Variants in UTS2 observed in about 807,000 individuals in gnomAD.
UTS2 encodes urotensin-2.
A neutral mutation model predicts 12.6 loss-of-function variants in UTS2; 10 were observed. The ratio of observed to expected loss-of-function variants is 0.80; its 90% CI spans 0.49 to 1.35. UTS2 has a LOEUF of 1.35. UTS2 is among the 40% of genes most tolerant of loss of function. The probability of loss-of-function intolerance (pLI) is 0.00; values close to 1 mark genes in which losing one functional copy is unlikely to be tolerated. For missense variants in UTS2, 142 were observed against 143.2 expected, an observed-to-expected ratio of 0.99 and a Z score of 0.04; for synonymous variants, 52 against 50.0, an observed-to-expected ratio of 1.04 and a Z score of -0.17.
chr1:7,861,230 A>G, the UTS2 span, among the ~76,000 whole-genome samples: 1 of 152,134 alleles, frequency 6.6e-6, no homozygotes, highest in African/African-American at 2.4e-5. Flanking sequence ...AAACTGTGCA[A>G]CGAGTTTGGA....
the UTS2 span, among the ~76,000 whole-genome samples, chr1:7,888,032 T>C: frequency 6.6e-6 from 1 of 152,266 alleles, no homozygotes; most frequent in South Asian, 2.1e-4. Flanking sequence ...TGGTCTAAGA[T>C]TTTAGAGGAC....
At chr1:7,878,202 G>T in the UTS2 span, among the ~76,000 whole-genome samples, 1 of 152,092 alleles carries the variant, frequency 6.6e-6, no homozygotes, top group African/African-American at 2.4e-5. Context: ...GAAAAACAAA[G>T]GAGAAAAAAC....
chr1:7,905,220 T>C, the UTS2 span, among the ~76,000 whole-genome samples: 135,773 of 150,568 alleles, frequency 0.9, 61,552 homozygotes, highest in East Asian at 1. Flanking sequence ...CTTGGCTCAC[T>C]GTACCCTCCA....
the UTS2 span, among the ~76,000 whole-genome samples, chr1:7,885,920 G>GAA: frequency 4.0e-4 from 36 of 90,094 alleles, 1 homozygote; most frequent in Middle Eastern, 0.014. Context: ...GGGGGGGGCG[G>GAA]GTGGAGGTGG....
intron 1 of UTS2, 100 bp from the exon 2 acceptor site, chr1:7,851,022 A>G (rs964796317): frequency 5.3e-6 from 6 of 1,124,904 alleles, no homozygotes; most frequent in African/African-American, 4.6e-5. Flanking sequence ...GGAGATGAAC[A>G]CTAGAAAAAC....
chr1:7,851,535 A>G lies in UTS2; in HGVS notation c.104-613T>C, dbSNP rs1446766637. ...TGCGCTTAAGGTGTGTGGAAAGGGC[A>G]CACCGGAGTGTGAGGCGTGGTAAGT... is the stretch of plus-strand genomic sequence containing the variant. On this transcript the variant is annotated intron_variant, in intron 1 of 3. Transcript: ENST00000361696. Among the ~76,000 whole-genome samples, 4 of 152,250 alleles carry G rather than the reference A, an allele frequency of 2.6e-5. 1 individual carries two copies.
chr1:7,880,004 C>T, the UTS2 span, among the ~76,000 whole-genome samples: 1 of 152,106 alleles, frequency 6.6e-6, no homozygotes, highest in Non-Finnish European at 1.5e-5. Context: ...CACCTGTAAT[C>T]CCAACACTTT....
the UTS2 span, among the ~76,000 whole-genome samples, chr1:7,899,642 G>A: frequency 6.6e-6 from 1 of 151,990 alleles, no homozygotes; most frequent in Non-Finnish European, 1.5e-5. Flanking sequence ...TGAGTAGCTG[G>A]GACTACAGGC....
the UTS2 span, among the ~76,000 whole-genome samples, chr1:7,868,588 G>A: frequency 3.3e-5 from 5 of 152,210 alleles, no homozygotes; most frequent in Admixed American, 6.5e-5. Context: ...GTCTTCACCC[G>A]TGAGGGCCGG....
the UTS2 span, among the ~76,000 whole-genome samples, chr1:7,865,825 A>T: frequency 6.6e-6 from 1 of 151,998 alleles, no homozygotes; most frequent in Admixed American, 6.6e-5. Flanking sequence ...GGTCCCAGCT[A>T]CTCGGGAGGC....
At chr1:7,864,683 G>A in the UTS2 span, among the ~76,000 whole-genome samples, 541 of 152,246 alleles carry the variant, frequency 3.6e-3, 3 homozygotes, top group African/African-American at 0.012. Flanking sequence ...AAAATCATTC[G>A]CACCTTCCCG....
the UTS2 span, among the ~76,000 whole-genome samples, chr1:7,900,819 C>A: frequency 6.6e-6 from 1 of 151,602 alleles, no homozygotes; most frequent in Admixed American, 6.6e-5. Context: ...GCCTCTTTTT[C>A]TTTTACTGTC....
chr1:7,888,744 T>C, the UTS2 span, among the ~76,000 whole-genome samples: 1 of 152,200 alleles, frequency 6.6e-6, no homozygotes, highest in South Asian at 2.1e-4. Flanking sequence ...AACCATCACT[T>C]AGATTAAGGA....
At chr1:7,864,506 T>C in the UTS2 span, among the ~76,000 whole-genome samples, 6 of 152,302 alleles carry the variant, frequency 3.9e-5, no homozygotes, top group East Asian at 1.2e-3. Flanking sequence ...GAGTTTTCTT[T>C]AACTGAACTC....
intron 3 of UTS2, among the ~76,000 whole-genome samples, chr1:7,848,131 C>A (rs966060316): frequency 6.6e-6 from 1 of 152,136 alleles, no homozygotes; most frequent in Non-Finnish European, 1.5e-5. Context: ...TTTTCCTAAA[C>A]CCTCATTGAC....
At chr1:7,900,416 A>AGAAG in the UTS2 span, among the ~76,000 whole-genome samples, 122 of 152,036 alleles carry the variant, frequency 8.0e-4, no homozygotes, top group African/African-American at 2.8e-3. Context: ...AAAGAAGGAA[A>AGAAG]GAAGGAAGGA....
the UTS2 span, among the ~76,000 whole-genome samples, chr1:7,877,065 G>T: frequency 7.0e-6 from 1 of 143,708 alleles, no homozygotes; most frequent in Non-Finnish European, 1.5e-5. Flanking sequence ...CAGAGGCAGG[G>T]TTGCTGTGAG....
At chr1:7,849,732 T>C in intron 2 of UTS2, 49 bp from the exon 3 acceptor site, 1 of 1,507,014 alleles carries the variant, frequency 6.6e-7, no homozygotes, top group South Asian at 1.2e-5. Flanking sequence ...GTTTCTCTTG[T>C]ATGCTTGTTT....
At chr1:7,848,822 T>C (rs993964715) in intron 3 of UTS2, among the ~76,000 whole-genome samples, 1 of 152,178 alleles carries the variant, frequency 6.6e-6, no homozygotes, top group African/African-American at 2.4e-5. Flanking sequence ...CGGCCTTCTG[T>C]ACATCGTTCA....
Sources: allele counts gnomAD v4.1 joint callset (sites outside exome capture counted in the v4.1 genomes callset), GRCh38; gene constraint gnomAD v4.1.1; transcripts MANE v1.5; gene names NCBI Gene and HGNC (gene_info 2026-07-23, HGNC 2026-07-21).